Variants in ADGRA3 observed in about 807,000 individuals in gnomAD.
ADGRA3 encodes adhesion G protein-coupled receptor A3.
A neutral mutation model predicts 119.8 loss-of-function variants in ADGRA3; 56 were observed. That is an observed-to-expected ratio of 0.47 (90% CI 0.38 to 0.58). ADGRA3 has a LOEUF of 0.58. Among genes scored for constraint, ADGRA3 ranks in the 20% least tolerant of loss-of-function variants. The pLI, the probability that ADGRA3 is intolerant of heterozygous loss-of-function variation, is 0.00. For missense variants in ADGRA3, 1,516 were observed against 1,649.0 expected (o/e 0.92, Z 1.40); for synonymous variants, 607 against 623.8 (o/e 0.97, Z 0.40).
rs866591824 is a variant in ADGRA3, at chr4:22,387,602, T to C, written c.*103A>G. On this transcript the variant is annotated 3_prime_UTR_variant, in exon 19 of 19. Transcript: ENST00000334304. The stretch of plus-strand genomic sequence containing the variant: ...ACTTCAAAGTTTATTCCAAATTCTT[T>C]TGAATCCCTATGGTGGCTGTAAACA... The C allele has an allele frequency of 1.8e-6, 2 of 1,100,974 alleles. No individual in the cohort carries two copies. The highest frequency in any genetic ancestry group is 5.4e-5 in the Admixed American group (2 of 37,158). The allele number at this position is 1,100,974 out of a possible 1,614,324, so 68.2% of individuals were successfully genotyped here.
intron 1 of ADGRA3, among the ~76,000 whole-genome samples, chr4:22,484,667 G>A (rs1197182020): frequency 2.0e-5 from 3 of 151,694 alleles, no homozygotes; most frequent in Non-Finnish European, 4.4e-5. Context: ...GAATACAAAT[G>A]GTTAAGTGAT....
At chr4:22,397,784 CT>C (rs1714427608) in intron 16 of ADGRA3, among the ~76,000 whole-genome samples, 1 of 152,172 alleles carries the variant, frequency 6.6e-6, no homozygotes. Flanking sequence ...AAAGACATGA[CT>C]TTGCTCTTCC....
chr4:22,428,222 C>T (rs1433498212), intron 10 of ADGRA3, among the ~76,000 whole-genome samples: 1 of 152,008 alleles, frequency 6.6e-6, no homozygotes, highest in Non-Finnish European at 1.5e-5. Context: ...AGGTTGAGAT[C>T]TCAAGTCTGT....
chr4:22,511,349 A>C (rs1273071451), intron 1 of ADGRA3, among the ~76,000 whole-genome samples: 2 of 152,170 alleles, frequency 1.3e-5, no homozygotes, highest in East Asian at 3.9e-4. Flanking sequence ...TAATAATAGA[A>C]GCGGTTTAAT....
At chr4:22,508,245 C>T (rs981214283) in intron 1 of ADGRA3, among the ~76,000 whole-genome samples, 3 of 152,180 alleles carry the variant, frequency 2.0e-5, no homozygotes, top group Non-Finnish European at 4.4e-5. Flanking sequence ...GTGAAGAGTT[C>T]GTAGCAGCTG....
intron 6 of ADGRA3, 192 bp from the exon 7 acceptor site, chr4:22,443,055 A>C (rs1422314956): frequency 1.5e-6 from 1 of 682,816 alleles, no homozygotes. Flanking sequence ...AATTAAAAAG[A>C]AACAATTTCA....
At chr4:22,502,408 G>A (rs995521184) in intron 1 of ADGRA3, among the ~76,000 whole-genome samples, 2 of 152,130 alleles carry the variant, frequency 1.3e-5, no homozygotes, top group African/African-American at 4.8e-5. Context: ...ATGATGACAG[G>A]CATTGAGATA....
At chr4:22,506,528 G>A (rs1157052825) in intron 1 of ADGRA3, among the ~76,000 whole-genome samples, 3 of 152,154 alleles carry the variant, frequency 2.0e-5, no homozygotes, top group African/African-American at 4.8e-5. Context: ...ACTCCAGCCT[G>A]GGTGACAGAG....
At chr4:22,433,178 A>G (rs548905325) in intron 10 of ADGRA3, among the ~76,000 whole-genome samples, 6 of 152,332 alleles carry the variant, frequency 3.9e-5, no homozygotes, top group Non-Finnish European at 5.9e-5. Flanking sequence ...ACAGTTAGTA[A>G]GTTGCCATCA....
chr4:22,424,676 A>T (rs915226992), intron 10 of ADGRA3, among the ~76,000 whole-genome samples: 2 of 152,240 alleles, frequency 1.3e-5, no homozygotes, highest in South Asian at 4.1e-4. Flanking sequence ...ATGTCACACA[A>T]TACCAGAATA....
At chr4:22,498,162 T>C (rs1718909999) in intron 1 of ADGRA3, among the ~76,000 whole-genome samples, 1 of 151,624 alleles carries the variant, frequency 6.6e-6, no homozygotes, top group South Asian at 2.1e-4. Flanking sequence ...GGAGAATTGC[T>C]TGAACCCAGA....
At chr4:22,428,412 C>T (rs1442832949) in intron 10 of ADGRA3, among the ~76,000 whole-genome samples, 2 of 151,760 alleles carry the variant, frequency 1.3e-5, no homozygotes, top group Non-Finnish European at 2.9e-5. Context: ...TTAAGCAATT[C>T]ATGGAGTTTT....
intron 1 of ADGRA3, among the ~76,000 whole-genome samples, chr4:22,484,465 C>T (rs544055440): frequency 5.9e-5 from 9 of 151,952 alleles, no homozygotes; most frequent in African/African-American, 1.9e-4. Flanking sequence ...ATTATCCGGG[C>T]GTGTTGGTGC....
At position 22,435,366 on chromosome 4, in the gene ADGRA3, A is replaced by G. The variant is rs2109060160; in HGVS notation, c.1388T>C (p.Val463Ala). Residue 463 changes from valine (V) to alanine (A), a missense_variant, in exon 10 of 19, where the codon GTG becomes GCG. Val to Ala is a moderately conservative substitution (Grantham distance 64). Transcript: ENST00000334304. ...TCCAAATTTTTCAATCATTTCTGCC[A>G]CAAATATAACATCCATTTTGTCAGA... Reference protein sequence around the residue: ...NFSDKMDVIFVAEMIEKFGRF... With the variant: ...NFSDKMDVIFAAEMIEKFGRF... 10 of 1,613,646 alleles carry G rather than the reference A, an allele frequency of 6.2e-6. No homozygotes were observed. Among genetic ancestry groups the G allele is most frequent in the Non-Finnish European group, 8.5e-6 (10 of 1,179,640 alleles).
chr4:22,471,137 G>T (rs889533643), intron 2 of ADGRA3, among the ~76,000 whole-genome samples: 3 of 152,170 alleles, frequency 2.0e-5, no homozygotes, highest in African/African-American at 7.2e-5. Context: ...GGAGCACCGA[G>T]TGTCTCCCTC....
At chr4:22,514,001 C>G (rs1261298735) in intron 1 of ADGRA3, among the ~76,000 whole-genome samples, 1 of 151,788 alleles carries the variant, frequency 6.6e-6, no homozygotes, top group Non-Finnish European at 1.5e-5. Flanking sequence ...TTTTCTGCAA[C>G]GCAAAATCAA....
chr4:22,409,069 T>A (rs1715077873), intron 14 of ADGRA3, among the ~76,000 whole-genome samples: 1 of 152,124 alleles, frequency 6.6e-6, no homozygotes, highest in South Asian at 2.1e-4. Flanking sequence ...GTGAGAGACA[T>A]CAAAAGGGTG....
chr4:22,473,840 A>G lies in ADGRA3; in HGVS notation c.261T>C (p.Ile87=), dbSNP rs1717943001. ...DTLPNRTVTL[I]LSNNKISELK... is the part of the protein sequence containing the mutation. ...GCTCGGATATCTTATTGTTACTCAG[A>G]ATCCTAAAAAATACCAAAAAAATAA... The change falls in exon 2 of 19, where the codon ATT becomes ATC. Residue 87 remains isoleucine, a synonymous_variant. Coordinates refer to ENST00000334304, the MANE Select transcript of ADGRA3 (RefSeq NM_145290.4). 6.3e-7 allele frequency: 1 copy of G among 1,595,408 alleles called. No individual in the cohort carries two copies. The highest frequency in any genetic ancestry group is 8.6e-7 in the Non-Finnish European group (1 of 1,167,276).
At chr4:22,478,895 T>G (rs1718147342) in intron 1 of ADGRA3, among the ~76,000 whole-genome samples, 3 of 152,274 alleles carry the variant, frequency 2.0e-5, no homozygotes, top group South Asian at 2.1e-4. Flanking sequence ...AATTTGAAAA[T>G]GTAGCACATT....
Sources: allele counts gnomAD v4.1 joint callset (sites outside exome capture counted in the v4.1 genomes callset), GRCh38; gene constraint gnomAD v4.1.1; transcripts MANE v1.5; gene names NCBI Gene and HGNC (gene_info 2026-07-23, HGNC 2026-07-21).